LYZL2: variants seen among roughly 807,000 people sequenced by gnomAD.
LYZL2 encodes the protein lysozyme-like protein 2.
LYZL2 carries 13 observed loss-of-function variants against 17.1 expected under a neutral mutation model. That is an observed-to-expected ratio of 0.76 (90% confidence interval 0.49 to 1.21). The LOEUF (loss-of-function observed/expected upper bound fraction) is 1.21, where lower values mean the gene tolerates loss of function less well. LYZL2 is among the 50% of genes most tolerant of loss of function. The probability of loss-of-function intolerance (pLI) is 0.00; values close to 1 mark genes in which losing one functional copy is unlikely to be tolerated. For synonymous variants in LYZL2, 63 were observed against 74.4 expected, an observed-to-expected ratio of 0.85 and a Z score of 0.79; for missense variants, 166 against 189.2, an observed-to-expected ratio of 0.88 and a Z score of 0.72.
chr10:30,620,818 AG>A (rs1296544813), intron 3 of LYZL2, among the ~76,000 whole-genome samples: 4 of 152,214 alleles, frequency 2.6e-5, no homozygotes, highest in Non-Finnish European at 5.9e-5. Context: ...TAAAAAACAC[AG>A]TATCTGAAAA....
At chr10:30,626,600 C>T (rs1162962640) in intron 2 of LYZL2, among the ~76,000 whole-genome samples, 177 bp downstream of exon 2, 3 of 152,072 alleles carry the variant, frequency 2.0e-5, no homozygotes, top group Admixed American at 6.5e-5. Context: ...AAATGAGGGG[C>T]AGGGGAGGAA....
At chr10:30,629,464 G>T in intron 1 of LYZL2, 129 bp downstream of exon 1, 2 of 823,310 alleles carry the variant, frequency 2.4e-6, no homozygotes, top group South Asian at 2.1e-5. Flanking sequence ...AATGTTAACT[G>T]ATCTCAAACA....
chr10:30,625,268 A>T (rs1164953554), intron 3 of LYZL2, among the ~76,000 whole-genome samples: 2 of 152,164 alleles, frequency 1.3e-5, no homozygotes, highest in Non-Finnish European at 2.9e-5. Flanking sequence ...ATTCCTTTCT[A>T]AGTGAATTCA....
intron 3 of LYZL2, among the ~76,000 whole-genome samples, chr10:30,616,165 T>C (rs1417219821): frequency 6.6e-6 from 1 of 152,276 alleles, no homozygotes; most frequent in African/African-American, 2.4e-5. Flanking sequence ...TTTTGTTGCT[T>C]TCTCAGTTAG....
At chr10:30,626,695 C>T in intron 2 of LYZL2, 82 bp downstream of exon 2, 2 of 1,580,360 alleles carry the variant, frequency 1.3e-6, no homozygotes, top group East Asian at 4.5e-5. Flanking sequence ...TGGGGAGACA[C>T]AGCAGGGAGT....
chr10:30,618,529 A>G (rs1838570498), intron 3 of LYZL2, among the ~76,000 whole-genome samples: 1 of 152,240 alleles, frequency 6.6e-6, no homozygotes. Flanking sequence ...CTGCATATCT[A>G]CAACTATGTG....
At chr10:30,610,470 A>G (rs1043073551), downstream of LYZL2, among the ~76,000 whole-genome samples, 18 of 152,158 alleles carry the variant, frequency 1.2e-4, no homozygotes, top group African/African-American at 2.9e-4. Context: ...ACATGTTCTC[A>G]CTCATAAGTG....
At chr10:30,619,010 G>A (rs1204829777) in intron 3 of LYZL2, among the ~76,000 whole-genome samples, 1 of 152,108 alleles carries the variant, frequency 6.6e-6, no homozygotes, top group Non-Finnish European at 1.5e-5. Context: ...CCAACAAGTG[G>A]GCAAAGTATA....
intron 1 of LYZL2, among the ~76,000 whole-genome samples, chr10:30,628,554 C>A (rs577268372): frequency 6.6e-6 from 1 of 152,360 alleles, no homozygotes; most frequent in Non-Finnish European, 1.5e-5. Context: ...CCAAACACAA[C>A]AGCCTTGCTG....
intron 3 of LYZL2, among the ~76,000 whole-genome samples, chr10:30,623,635 T>C (rs777565047): frequency 1.3e-5 from 2 of 152,204 alleles, no homozygotes; most frequent in Non-Finnish European, 2.9e-5. Flanking sequence ...TATGAGAATC[T>C]AATGCCTGAT....
intron 3 of LYZL2, among the ~76,000 whole-genome samples, chr10:30,624,414 C>G (rs1332963322): frequency 6.6e-6 from 1 of 152,228 alleles, no homozygotes; most frequent in African/African-American, 2.4e-5. Flanking sequence ...CCTCTCCCGG[C>G]AGACCTTTTG....
chr10:30,617,840 G>A lies in LYZL2; in HGVS notation c.299-4940C>T, dbSNP rs1378446949. Among the ~76,000 whole-genome samples the A allele has an allele frequency of 1.1e-4, 16 of 152,074 alleles. No homozygotes were observed. In the East Asian group the frequency reaches 2.5e-3, roughly 24 times the overall value. Reference sequence around the variant, plus strand: ...TTCTGGCCAGGGCAATCAGGCAGGAGAAGGAAATAAAGGGCATTCAATTAG... The same window carrying A: ...TTCTGGCCAGGGCAATCAGGCAGGAAAAGGAAATAAAGGGCATTCAATTAG... On this transcript the variant is annotated intron_variant, in intron 3 of 4. Coordinates refer to ENST00000647634, the MANE Select transcript of LYZL2 (RefSeq NM_183058.3).
chr10:30,610,986 A>G (rs1838425081), downstream of LYZL2, among the ~76,000 whole-genome samples: 2 of 151,898 alleles, frequency 1.3e-5, no homozygotes, highest in Admixed American at 1.3e-4. Flanking sequence ...CTTCTGGGGT[A>G]CTCTTAAGGG....
intron 1 of LYZL2, among the ~76,000 whole-genome samples, chr10:30,627,885 C>A (rs1385248112): frequency 2.6e-5 from 4 of 152,202 alleles, no homozygotes; most frequent in Admixed American, 6.5e-5. Flanking sequence ...CTAGGCCAGG[C>A]GCGGTGGCTC....
intron 3 of LYZL2, 98 bp downstream of exon 3, chr10:30,626,007 C>A: frequency 6.5e-7 from 1 of 1,527,540 alleles, no homozygotes; most frequent in South Asian, 1.3e-5. Context: ...CAAGTCTGAA[C>A]TCCAAATTTT....
At chr10:30,616,204 G>T (rs1395687070) in intron 3 of LYZL2, among the ~76,000 whole-genome samples, 1 of 152,128 alleles carries the variant, frequency 6.6e-6, no homozygotes, top group East Asian at 1.9e-4. Context: ...CGTAGTGATA[G>T]ATTTTTTTTA....
intron 3 of LYZL2, among the ~76,000 whole-genome samples, chr10:30,615,570 A>T (rs66526890): frequency 0.071 from 10,748 of 152,172 alleles, 786 homozygotes; most frequent in African/African-American, 0.19. Flanking sequence ...TCTGTCACAC[A>T]CACACAGTAA....
chr10:30,617,078 G>T (rs1331514849), intron 3 of LYZL2, among the ~76,000 whole-genome samples: 1 of 152,150 alleles, frequency 6.6e-6, no homozygotes, highest in Non-Finnish European at 1.5e-5. Context: ...TTTCCTGGGA[G>T]ACATGGGTTT....
intron 3 of LYZL2, among the ~76,000 whole-genome samples, chr10:30,619,072 A>G (rs1838579102): frequency 6.6e-6 from 1 of 152,272 alleles, no homozygotes; most frequent in South Asian, 2.1e-4. Context: ...AGACACATGA[A>G]AAAATGCTCA....
Sources: gnomAD v4.1 joint callset for allele counts (sites outside exome capture counted in the v4.1 genomes callset) on GRCh38, gnomAD v4.1.1 for gene constraint, MANE v1.5 for transcripts, NCBI Gene and HGNC (gene_info 2026-07-23, HGNC 2026-07-21) for gene names.